Variants in FAM227B observed in about 807,000 individuals in gnomAD.
The protein encoded by FAM227B is family with sequence similarity 227 member B.
Under a neutral mutation model 73.8 loss-of-function variants are expected in FAM227B, and 88 were observed. The ratio of observed to expected loss-of-function variants is 1.19; its 90% CI spans 1.00 to 1.42. FAM227B has a LOEUF of 1.42. Among genes scored for constraint, FAM227B ranks in the 40% most tolerant of loss-of-function variants. The pLI, the probability that FAM227B is intolerant of heterozygous loss-of-function variation, is 0.00. For missense variants in FAM227B, 632 were observed against 590.9 expected, an observed-to-expected ratio of 1.07 and a Z score of -0.72; for synonymous variants, 210 against 190.5, an observed-to-expected ratio of 1.10 and a Z score of -0.84.
intron 11 of FAM227B, among the ~76,000 whole-genome samples, chr15:49,398,229 C>T (rs1247544191): frequency 6.6e-6 from 1 of 152,004 alleles, no homozygotes; most frequent in East Asian, 1.9e-4. Flanking sequence ...TTTAAACCAA[C>T]AAAGATCAAG....
chr15:49,539,856 A>G (rs1166120129), intron 10 of FAM227B, among the ~76,000 whole-genome samples: 1 of 152,230 alleles, frequency 6.6e-6, no homozygotes, highest in African/African-American at 2.4e-5. Context: ...AAGTGGCTCC[A>G]TGGTCCCAGG....
At chr15:49,475,715 C>T (rs1351794066) in intron 11 of FAM227B, among the ~76,000 whole-genome samples, 3 of 152,062 alleles carry the variant, frequency 2.0e-5, no homozygotes, top group Admixed American at 1.3e-4. Context: ...GGGGCGGGCA[C>T]GGTGGCTTAT....
At position 49,568,273 on chromosome 15, in the gene FAM227B, G is replaced by C; in HGVS notation, c.719C>G (p.Pro240Arg). 6.2e-7 allele frequency: 1 copy of C among 1,609,232 alleles called. No individual in the cohort carries two copies. The highest frequency in any genetic ancestry group is 8.5e-7 in the Non-Finnish European group (1 of 1,177,972). Residue 240 changes from proline to arginine, a missense_variant, in exon 9 of 16, where the codon CCT (proline) becomes CGT (arginine). Coordinates refer to ENST00000299338, the MANE Select transcript of FAM227B (RefSeq NM_152647.3). ...AAAAAATGCATCCTTTCGACTTAGA[G>C]GTATGCTCATGAAAAGTGTCACATA... ...ESYVTLFMSI[P>R]LSRKDAFFQI...
intron 9 of FAM227B, among the ~76,000 whole-genome samples, chr15:49,548,359 A>C (rs1113391): frequency 0.33 from 49,843 of 152,016 alleles, 8,952 homozygotes; most frequent in African/African-American, 0.46. Flanking sequence ...CTTCCACTTC[A>C]GGAATAAATG....
At chr15:49,606,164 C>G (rs1347274253) in intron 3 of FAM227B, 3 of 152,140 alleles carry the variant, frequency 2.0e-5, no homozygotes, top group Non-Finnish European at 4.4e-5. Context: ...ACCTGGATTC[C>G]TTAGCTCTTG....
intron 11 of FAM227B, among the ~76,000 whole-genome samples, chr15:49,471,464 C>T (rs1382262653): frequency 6.7e-6 from 1 of 148,478 alleles, no homozygotes; most frequent in African/African-American, 2.5e-5. Context: ...GCCTGAGCTA[C>T]AGAGTGAGAC....
At chr15:49,576,083 CT>C (rs1388339361) in intron 7 of FAM227B, 1 of 152,178 alleles carries the variant, frequency 6.6e-6, no homozygotes, top group East Asian at 1.9e-4. Flanking sequence ...GGGGACACAT[CT>C]TTTTCATAGG....
chr15:49,349,512 T>A (rs2041959423), intron 13 of FAM227B, among the ~76,000 whole-genome samples: 1 of 152,210 alleles, frequency 6.6e-6, no homozygotes, highest in Non-Finnish European at 1.5e-5. Flanking sequence ...TTTATGCTTA[T>A]TCTCTATTAC....
At chr15:49,595,149 A>G (rs961321327) in intron 3 of FAM227B, among the ~76,000 whole-genome samples, 10 of 152,048 alleles carry the variant, frequency 6.6e-5, no homozygotes, top group African/African-American at 2.4e-4. Flanking sequence ...CTCCTTGGTT[A>G]GACATACTCC....
chr15:49,555,869 T>TG (rs1339262650), intron 9 of FAM227B, among the ~76,000 whole-genome samples: 3 of 152,246 alleles, frequency 2.0e-5, no homozygotes, highest in African/African-American at 7.2e-5. Flanking sequence ...CTGAAATTCT[T>TG]GAAGTGCGTT....
intron 11 of FAM227B, among the ~76,000 whole-genome samples, chr15:49,420,886 T>C (rs1207412135): frequency 6.6e-6 from 1 of 152,084 alleles, no homozygotes; most frequent in Non-Finnish European, 1.5e-5. Flanking sequence ...TTTTGTATTT[T>C]TAGTAGAGAC....
intron 3 of FAM227B, among the ~76,000 whole-genome samples, chr15:49,592,742 A>C (rs901885673): frequency 6.6e-6 from 1 of 152,200 alleles, no homozygotes; most frequent in Admixed American, 6.5e-5. Flanking sequence ...AGGGACGTTT[A>C]AGTCTGCAGA....
At chr15:49,378,957 G>C (rs572743560) in intron 11 of FAM227B, among the ~76,000 whole-genome samples, 1 of 151,902 alleles carries the variant, frequency 6.6e-6, no homozygotes, top group East Asian at 1.9e-4. Context: ...TTATTATGTT[G>C]AGGTATGTTC....
At chr15:49,502,723 G>A (rs1236113201) in intron 11 of FAM227B, among the ~76,000 whole-genome samples, 1 of 152,194 alleles carries the variant, frequency 6.6e-6, no homozygotes, top group African/African-American at 2.4e-5. Context: ...TGCAATGTGA[G>A]AAGGACAAGA....
chr15:49,334,152 G>A (rs2039296443), intron 14 of FAM227B: 1 of 657,292 alleles, frequency 1.5e-6, no homozygotes, highest in African/African-American at 2.0e-5. Context: ...CAGTTTTGTG[G>A]TTTTATGTAA....
chr15:49,509,888 C>A (rs1036408839), intron 10 of FAM227B, among the ~76,000 whole-genome samples: 12 of 152,166 alleles, frequency 7.9e-5, no homozygotes, highest in African/African-American at 2.9e-4. Flanking sequence ...TGGTAACTTA[C>A]ATATATTCTA....
chr15:49,575,082 G>A lies in FAM227B; in HGVS notation c.574C>T (p.His192Tyr). The change falls in exon 8 of 16, where the codon CAT becomes TAT. Residue 192 changes from histidine (H) to tyrosine (Y), a missense_variant. Transcript: ENST00000299338. ...GCAATGGAGGCTTCTGAGAGAAAAT[G>A]AGTCTTCCAGATTTTAAAAACTCTT... Reference protein sequence around the residue: ...DERVFKIWKTHFLSEASIALL... With the variant: ...DERVFKIWKTYFLSEASIALL... 1 of 1,600,442 alleles carries A rather than the reference G, an allele frequency of 6.2e-7. No homozygotes were observed. Among genetic ancestry groups the A allele is most frequent in the Non-Finnish European group, 8.5e-7 (1 of 1,172,840 alleles).
intron 11 of FAM227B, among the ~76,000 whole-genome samples, chr15:49,453,538 T>C (rs1351685143): frequency 6.6e-6 from 1 of 152,204 alleles, no homozygotes; most frequent in African/African-American, 2.4e-5. Flanking sequence ...TAGCCACATG[T>C]GGCACATGGC....
chr15:49,482,672 A>T (rs1267132464), intron 11 of FAM227B, among the ~76,000 whole-genome samples: 1 of 152,092 alleles, frequency 6.6e-6, no homozygotes, highest in Non-Finnish European at 1.5e-5. Context: ...CTTATCAGGT[A>T]TAAGAATTTG....
Sources: gnomAD v4.1 joint callset for allele counts (sites outside exome capture counted in the v4.1 genomes callset) on GRCh38, gnomAD v4.1.1 for gene constraint, MANE v1.5 for transcripts, NCBI Gene and HGNC (gene_info 2026-07-23, HGNC 2026-07-21) for gene names.